The following SLC25A38 variants were observed in gnomAD, a reference collection of about 807,000 sequenced individuals.
The protein encoded by SLC25A38 is solute carrier family 25 member 38.
A neutral mutation model predicts 33.4 loss-of-function variants in SLC25A38; 27 were observed. That is an observed-to-expected ratio of 0.81 (90% CI 0.60 to 1.11). SLC25A38 has a LOEUF of 1.11. SLC25A38 is among the 50% of genes most tolerant of loss of function. The pLI is 0.00. For synonymous variants in SLC25A38, 123 were observed against 145.9 expected (o/e 0.84, Z 1.13); for missense variants, 344 against 388.8 (o/e 0.88, Z 0.97).
intron 1 of SLC25A38, among the ~76,000 whole-genome samples, chr3:39,386,020 A>C (rs1470770745): frequency 6.6e-6 from 1 of 152,240 alleles, no homozygotes; most frequent in African/African-American, 2.4e-5. Flanking sequence ...CCCTGCAACC[A>C]GCAGTTTGGA....
In SLC25A38 at chr3:39,394,393, C is replaced by T. The variant is rs1221742584; in HGVS notation, c.626-17C>T. The T allele has an allele frequency of 6.2e-7, 1 of 1,612,064 alleles. No individual in the cohort carries two copies. Among genetic ancestry groups the T allele is most frequent in the Non-Finnish European group, 8.5e-7 (1 of 1,179,902 alleles). The stretch of plus-strand genomic sequence containing the variant: ...ATATAAGATCTATGTCCACATGTTA[C>T]CTTTGTTCTATTTCAGACCAGGTGG... On this transcript the variant is annotated splice_polypyrimidine_tract_variant and intron_variant, in intron 5 of 6. Coordinates refer to ENST00000650617, the MANE Select transcript of SLC25A38 (RefSeq NM_017875.4).
Position 39,383,612 on chromosome 3 carries a change from A to G in SLC25A38, c.-113A>G. ...AGACGTCAGAGAGCCCGCGGCTTAA[A>G]GCGCGTCGCCTGGCTAGCGCCACCC... On this transcript the variant is annotated 5_prime_UTR_variant, in exon 1 of 7. Coordinates refer to ENST00000650617, the MANE Select transcript of SLC25A38 (RefSeq NM_017875.4). The G allele has an allele frequency of 7.9e-7, 1 of 1,272,292 alleles. No individual in the cohort carries two copies. The highest frequency in any genetic ancestry group is 1.2e-5 in the South Asian group (1 of 80,390). The allele number at this position is 1,272,292 out of a possible 1,614,324, so 78.8% of individuals were successfully genotyped here. A position where few individuals can be genotyped will look rare whatever the true frequency, so the allele number is the denominator to read the frequency against.
At chr3:39,394,906 G>A (rs1475035138) in intron 6 of SLC25A38, among the ~76,000 whole-genome samples, 1 of 152,074 alleles carries the variant, frequency 6.6e-6, no homozygotes, top group East Asian at 1.9e-4. Context: ...CAGGAAATCG[G>A]GGTGAAATTA....
intron 5 of SLC25A38, 107 bp downstream of exon 5, chr3:39,392,128 A>G (rs2041778199): frequency 1.4e-6 from 2 of 1,408,612 alleles, no homozygotes; most frequent in Non-Finnish European, 2.0e-6. Context: ...AGTGTTAGGA[A>G]CTGAGCCATA....
intron 1 of SLC25A38, among the ~76,000 whole-genome samples, chr3:39,388,710 C>T (rs538444637): frequency 1.1e-4 from 16 of 152,260 alleles, no homozygotes. Context: ...TACCTTTTCA[C>T]AGTCATTTGT....
chr3:39,391,615 T>A lies in SLC25A38; in HGVS notation c.451T>A (p.Tyr151Asn), dbSNP rs778713131. 2 of 1,614,090 alleles carry A rather than the reference T, an allele frequency of 1.2e-6. No individual in the cohort carries two copies. Among genetic ancestry groups the A allele is most frequent in the Admixed American group, 3.3e-5 (2 of 60,004 alleles). The part of the protein sequence containing the change: ...MSPITVIKTR[Y>N]ESGKYGYESI... ...ACCTATCACTGTAATCAAGACGCGC[T>A]ATGAGGTGAGTTCAACCACTTTAGG... is the stretch of plus-strand genomic sequence containing the variant. Residue 151 changes from tyrosine (Y) to asparagine (N), a missense_variant, in exon 4 of 7, where the codon TAT becomes AAT. Around this residue, in one of 2 missense-constraint regions of SLC25A38, gnomAD observed 269 missense variants for 271.8 expected, o/e 0.99. Transcript: ENST00000650617.
In SLC25A38 at chr3:39,390,556, C is replaced by T. The variant is rs747734683; in HGVS notation, c.276+49C>T. 15 of 1,563,340 alleles carry T rather than the reference C, an allele frequency of 9.6e-6. No homozygotes were observed. In the East Asian group the frequency reaches 3.4e-4, roughly 35 times the overall value. The stretch of plus-strand genomic sequence containing the variant: ...TTCCCTAGCATCCACTCCTTAATAA[C>T]CAGCTATTTCTCATCTACCTTACCA... On this transcript the variant is annotated intron_variant, in intron 3 of 6. Transcript: ENST00000650617.
At position 39,391,555 on chromosome 3, in the gene SLC25A38, G is replaced by C; in HGVS notation, c.391G>C (p.Val131Leu). 6.2e-7 allele frequency: 1 copy of C among 1,614,212 alleles called. No homozygotes were observed. Among genetic ancestry groups the C allele is most frequent in the Non-Finnish European group, 8.5e-7 (1 of 1,180,042 alleles). Residue 131 changes from valine to leucine, a missense_variant, in exon 4 of 7, where the codon GTG becomes CTG. Val to Leu is a conservative substitution (Grantham distance 32, BLOSUM62 1). Around this residue, in one of 2 missense-constraint regions of SLC25A38, gnomAD observed 269 missense variants for 271.8 expected, o/e 0.99. Coordinates refer to ENST00000650617, the MANE Select transcript of SLC25A38 (RefSeq NM_017875.4). Reference sequence around the variant, plus strand: ...CGCCCTGGAGTCAGTCATGCTGGGGGTGGGCTCTCGCTCTGTTGCAGGGGT... The same window carrying C: ...CGCCCTGGAGTCAGTCATGCTGGGGCTGGGCTCTCGCTCTGTTGCAGGGGT... ...PTALESVMLG[V>L]GSRSVAGVCM...
At position 39,389,546 on chromosome 3, in the gene SLC25A38, T is replaced by C; in HGVS notation, c.121T>C (p.Ser41Pro). ...GTGTGGCTCCATCAGTGGGACCTGC[T>C]CTACCCTCCTTTTCCAACCTCTGGA... ...FLCGSISGTCSTLLFQPLDLL... is the reference protein window; with the variant it reads ...FLCGSISGTCPTLLFQPLDLL... The change falls in exon 2 of 7, where the codon TCT becomes CCT. Residue 41 changes from serine to proline, a missense_variant. Physicochemically the swap from Ser to Pro is moderately conservative, Grantham distance 74 (BLOSUM62 -1). Around this residue, in one of 2 missense-constraint regions of SLC25A38, gnomAD observed 269 missense variants for 271.8 expected, o/e 0.99. Coordinates refer to ENST00000650617, the MANE Select transcript of SLC25A38 (RefSeq NM_017875.4). The surrounding 1 kb of genome is among the most constrained non-coding windows in gnomAD (Gnocchi z 4.5). The C allele has an allele frequency of 6.2e-7, 1 of 1,614,196 alleles. No individual in the cohort carries two copies. The highest frequency in any genetic ancestry group is 8.5e-7 in the Non-Finnish European group (1 of 1,180,040).
At chr3:39,386,960 G>A (rs141708931) in intron 1 of SLC25A38, among the ~76,000 whole-genome samples, 1 of 152,208 alleles carries the variant, frequency 6.6e-6, no homozygotes, top group Non-Finnish European at 1.5e-5. Context: ...GAGGCTGAGA[G>A]TGTGGAGGGG....
At position 39,383,460 on chromosome 3, in the gene SLC25A38, G is replaced by A. The variant is rs923918065; in HGVS notation, c.-265G>A. 7.6e-6 allele frequency: 4 copies of A among 528,382 alleles called. No individual in the cohort carries two copies. The highest frequency in any genetic ancestry group is 3.8e-5 in the African/African-American group (2 of 52,116). The allele number at this position is 528,382 out of a possible 1,614,324, so 32.7% of individuals were successfully genotyped here. Reference sequence around the variant, plus strand: ...CTGCAGCAGGGCAGGATGGGCAGGAGAGCAGAGCCGCGGAGTCTGCGGCGC... The same window carrying A: ...CTGCAGCAGGGCAGGATGGGCAGGAAAGCAGAGCCGCGGAGTCTGCGGCGC... On this transcript the variant is annotated 5_prime_UTR_variant, in exon 1 of 7. Transcript: ENST00000650617.
Position 39,394,568 on chromosome 3 carries a change from AT to A in SLC25A38, c.788del (p.Phe263SerfsTer22). On this transcript the variant is annotated frameshift_variant, in exon 6 of 7. Coordinates refer to ENST00000650617, the MANE Select transcript of SLC25A38 (RefSeq NM_017875.4). LOFTEE classifies it high-confidence loss of function. ...FQWIGQAVTL[I>X]FKDYGLRGFF... ...ATGGATTGGCCAAGCAGTGACACTT[AT>A]TTTCAAAGTAAGACTACAAAATAAG... 1 of 1,614,144 alleles carries A rather than the reference AT, an allele frequency of 6.2e-7. No homozygotes were observed. The highest frequency in any genetic ancestry group is 1.3e-5 in the African/African-American group (1 of 75,046).
chr3:39,396,708 T>A lies in SLC25A38; in HGVS notation c.*188T>A. 1 of 880,812 alleles carries A rather than the reference T, an allele frequency of 1.1e-6. No individual in the cohort carries two copies. The highest frequency in any genetic ancestry group is 1.8e-6 in the Non-Finnish European group (1 of 562,350). 54.6% of individuals were successfully genotyped at this position (880,812 alleles called of 1,614,324 possible). On this transcript the variant is annotated 3_prime_UTR_variant, in exon 7 of 7. Coordinates refer to ENST00000650617, the MANE Select transcript of SLC25A38 (RefSeq NM_017875.4). ...GGACCTGATTTCAGCCTTCAGAATCTCCAAAAGAGGAGTCATCAATTCATA... is the reference window on the plus strand; with the variant it reads ...GGACCTGATTTCAGCCTTCAGAATCACCAAAAGAGGAGTCATCAATTCATA...
intron 1 of SLC25A38, chr3:39,384,287 C>G (rs2041682933): frequency 5.1e-6 from 1 of 196,996 alleles, no homozygotes; most frequent in Non-Finnish European, 1.0e-5. Context: ...GTTGGGACGG[C>G]GCGTGGTCCC....
At position 39,391,948 on chromosome 3, in the gene SLC25A38, T is replaced by A. The variant is rs1345378009; in HGVS notation, c.552T>A (p.Thr184=). Residue 184 remains threonine, a synonymous_variant, in exon 5 of 7, where the codon ACT becomes ACA. Transcript: ENST00000650617. ...HRGLFSGLTA[T]LLRDAPFSGI... ...GCCTCTTCAGTGGCCTGACAGCAACTCTCCTTCGAGATGCGCCCTTCTCAG... is the reference window on the plus strand; with the variant it reads ...GCCTCTTCAGTGGCCTGACAGCAACACTCCTTCGAGATGCGCCCTTCTCAG... The A allele has an allele frequency of 6.2e-7, 1 of 1,614,166 alleles. No individual in the cohort carries two copies. Among genetic ancestry groups the A allele is most frequent in the South Asian group, 1.1e-5 (1 of 91,082 alleles).
At chr3:39,394,611 G>A (rs1450609806) in intron 6 of SLC25A38, 35 bp downstream of exon 6, 22 of 1,612,596 alleles carry the variant, frequency 1.4e-5, no homozygotes, top group Non-Finnish European at 1.8e-5. Context: ...TTCTTGTGGT[G>A]TTTAAGGATC....
intron 6 of SLC25A38, 118 bp downstream of exon 6, chr3:39,394,694 C>G: frequency 8.0e-7 from 1 of 1,243,772 alleles, no homozygotes; most frequent in South Asian, 1.3e-5. Context: ...AATCCCCATG[C>G]CCAGGTTAAA....
intron 5 of SLC25A38, 31 bp from the exon 6 acceptor site, chr3:39,394,379 A>G (rs1374585905): frequency 1.2e-6 from 2 of 1,611,522 alleles, no homozygotes; most frequent in Non-Finnish European, 1.7e-6. Context: ...TATAAGATCT[A>G]TGTCCACATG....
At chr3:39,384,523 A>T in intron 1 of SLC25A38, 1 of 391,944 alleles carries the variant, frequency 2.6e-6, no homozygotes, top group African/African-American at 2.1e-5. Flanking sequence ...TTTTTTTTTA[A>T]TCCTTAAAGG....
Sources: allele counts gnomAD v4.1 joint callset (sites outside exome capture counted in the v4.1 genomes callset), GRCh38; gene constraint gnomAD v4.1.1; regional missense constraint gnomAD v4.1.1; non-coding constraint Gnocchi (gnomAD v3.1); transcripts MANE v1.5; gene names NCBI Gene and HGNC (gene_info 2026-07-23, HGNC 2026-07-21).